The following HECTD3 variants were observed in gnomAD, a reference collection of about 807,000 sequenced individuals.
HECTD3 encodes the protein E3 ubiquitin-protein ligase HECTD3.
A neutral mutation model predicts 109.3 loss-of-function variants in HECTD3; 72 were observed. The observed-to-expected ratio is 0.66, with a 90% CI of 0.54 to 0.80. HECTD3 has a LOEUF of 0.80. HECTD3 is among the 30% of genes least tolerant of loss of function. The pLI, the probability that HECTD3 is intolerant of heterozygous loss-of-function variation, is 0.00. For missense variants in HECTD3, 1,041 were observed against 1,165.2 expected, an observed-to-expected ratio of 0.89 and a Z score of 1.55; for synonymous variants, 481 against 471.8, an observed-to-expected ratio of 1.02 and a Z score of -0.25.
Position 45,010,596 on chromosome 1 carries a change from G to A in HECTD3, c.480C>T (p.His160=), listed in dbSNP as rs772561258. Residue 160 remains histidine (H), a synonymous_variant, in exon 2 of 21, where the codon CAC becomes CAT. Coordinates refer to ENST00000372172, the MANE Select transcript of HECTD3 (RefSeq NM_024602.6). ...ARLVPIDTPN[H]LQRQQQLFGV... ...CAAAGAGCTGCTGCTGCCGCTGGAG[G>A]TGGTTGGGAGTGTCGATGGGTACCA... 25 of 1,613,350 alleles carry A rather than the reference G, an allele frequency of 1.5e-5. No homozygotes were observed. The highest frequency in any genetic ancestry group is 1.9e-5 in the Non-Finnish European group (23 of 1,179,974).
intron 9 of HECTD3, 74 bp from the exon 10 acceptor site, chr1:45,007,669 C>T (rs142761482): frequency 1.9e-5 from 23 of 1,240,874 alleles, no homozygotes; most frequent in African/African-American, 8.8e-5. Flanking sequence ...ACTTTCCCCT[C>T]TGCCTGTATC....
rs575428233 is a variant in HECTD3 at position 45,003,495 on chromosome 1, C to G, written c.2583G>C (p.Glu861Asp). Residue 861 changes from glutamate to aspartate, a missense_variant, in exon 21 of 21, where the codon GAG becomes GAC. Physicochemically the swap from Glu to Asp is conservative, Grantham distance 45 (BLOSUM62 2). Coordinates refer to ENST00000372172, the MANE Select transcript of HECTD3 (RefSeq NM_024602.6). This position sits in a 1 kb window ranked among gnomAD's most constrained non-coding sequence, Gnocchi z 4.7. ...GTCCCACAGCCGGCGGCACGCCTCA[C>G]TCCTCCCAAGGGCTCATGTCAGTGT... ...AIDTDMSPWEE is the reference protein window; with the variant it reads ...AIDTDMSPWED 2 of 1,614,102 alleles carry G rather than the reference C, an allele frequency of 1.2e-6. No individual in the cohort carries two copies. The highest frequency in any genetic ancestry group is 2.7e-5 in the African/African-American group (2 of 75,062).
At position 45,006,913 on chromosome 1, in the gene HECTD3, G is replaced by C; in HGVS notation, c.1621+38C>G. On this transcript the variant is annotated intron_variant, in intron 12 of 20. Coordinates refer to ENST00000372172, the MANE Select transcript of HECTD3 (RefSeq NM_024602.6). The surrounding 1 kb of genome is among the most constrained non-coding windows in gnomAD (Gnocchi z 4.7). The stretch of plus-strand genomic sequence containing the variant: ...AAGCCTCTACCACTTTGATAGGGCA[G>C]CAAGCAGGACCCTTGAGATCCTCCC... 6.2e-7 allele frequency: 1 copy of C among 1,606,754 alleles called. No individual in the cohort carries two copies. Among genetic ancestry groups the C allele is most frequent in the Admixed American group, 1.7e-5 (1 of 59,982 alleles).
At position 45,009,560 on chromosome 1, in the gene HECTD3, CTACT is replaced by C. The variant is rs1186396091; in HGVS notation, c.875+4_875+7del. ...CCACCCACCCTGTCCTGCCCAGAGCCTACTTACTTGACAATGGTGCCCTTCTTCA... is the reference window on the plus strand; with the variant it reads ...CCACCCACCCTGTCCTGCCCAGAGCCTACTTGACAATGGTGCCCTTCTTCA... On this transcript the variant is annotated splice_donor_5th_base_variant and intron_variant, in intron 5 of 20. Transcript: ENST00000372172. The C allele has an allele frequency of 6.2e-7, 1 of 1,611,854 alleles. No homozygotes were observed. The highest frequency in any genetic ancestry group is 1.7e-5 in the Admixed American group (1 of 59,980).
At position 45,011,069 on chromosome 1, in the gene HECTD3, C is replaced by G; in HGVS notation, c.189G>C (p.Leu63=). The change falls in exon 1 of 21, where the codon CTG becomes CTC. Residue 63 remains leucine, a synonymous_variant. Coordinates refer to ENST00000372172, the MANE Select transcript of HECTD3 (RefSeq NM_024602.6). ...KDPAGPSRVL[L]PVWEAEGLGL... ...CCAGGCCCTCTGCCTCCCACACCGG[C>G]AGAAGCACGCGCGACGGTCCCGCTG... 6.9e-7 allele frequency: 1 copy of G among 1,454,398 alleles called. No homozygotes were observed. 90.1% of individuals were successfully genotyped at this position (1,454,398 alleles called of 1,614,324 possible). A position where few individuals can be genotyped will look rare whatever the true frequency, so the allele number is the denominator to read the frequency against.
rs1412306821 is a variant in HECTD3 at position 45,006,164 on chromosome 1, T to C, written c.1726-48A>G. ...AGTGTGGCATGAGATACACCCTATTTTCCTGGCCCAAAGACTTCCCTGAAC... is the reference window on the plus strand; with the variant it reads ...AGTGTGGCATGAGATACACCCTATTCTCCTGGCCCAAAGACTTCCCTGAAC... On this transcript the variant is annotated intron_variant, in intron 13 of 20. Transcript: ENST00000372172. The surrounding 1 kb of genome is among the most constrained non-coding windows in gnomAD (Gnocchi z 4.7). The C allele has an allele frequency of 8.2e-6, 13 of 1,591,068 alleles. No homozygotes were observed.
chr1:45,007,142 GTGTGTGTGTGTGTGTT>G (rs1260972451), intron 11 of HECTD3, 61 bp downstream of exon 11: 138 of 1,430,848 alleles, frequency 9.6e-5, no homozygotes, highest in Admixed American at 3.1e-4. Context: ...GTGTGTGTGT[GTGTGTGTGTGTGTGTT>G]TGTGTGTGTT....
chr1:45,009,735 G>A lies in HECTD3; in HGVS notation c.760-52C>T, dbSNP rs376031792. Reference sequence around the variant, plus strand: ...AGCAGTTACCCTCCCTCCCTGCACTGGGCTTGTGCTCTGGGCCAGGAGCAC... The same window carrying A: ...AGCAGTTACCCTCCCTCCCTGCACTAGGCTTGTGCTCTGGGCCAGGAGCAC... On this transcript the variant is annotated intron_variant, in intron 4 of 20. Transcript: ENST00000372172. The A allele has an allele frequency of 5.0e-6, 7 of 1,405,344 alleles. No homozygotes were observed. The East Asian group carries it at 1.2e-4, about 23-fold the overall frequency. The allele number at this position is 1,405,344 out of a possible 1,614,324, so 87.1% of individuals were successfully genotyped here. A position where few individuals can be genotyped will look rare whatever the true frequency, so the allele number is the denominator to read the frequency against.
At position 45,010,892 on chromosome 1, in the gene HECTD3, T is replaced by C. The variant is rs1461519657; in HGVS notation, c.366A>G (p.Thr122=). 2.0e-6 allele frequency: 3 copies of C among 1,524,028 alleles called. No homozygotes were observed. Among genetic ancestry groups the C allele is most frequent in the Non-Finnish European group, 2.6e-6 (3 of 1,147,658 alleles). The allele number at this position is 1,524,028 out of a possible 1,614,324, so 94.4% of individuals were successfully genotyped here. A position where few individuals can be genotyped will look rare whatever the true frequency, so the allele number is the denominator to read the frequency against. The change falls in exon 1 of 21, where the codon ACA becomes ACG. Residue 122 remains threonine, a synonymous_variant. Transcript: ENST00000372172. The part of the protein sequence containing the change: ...CNGHGLWVKL[T]KEQLAEHLGD... ...TCCTGGGCAGGGAAGAGCGCACCTT[T>C]GTCAGCTTCACCCAGAGCCCGTGGC...
intron 17 of HECTD3, 30 bp downstream of exon 17, chr1:45,004,218 C>T: frequency 6.2e-7 from 1 of 1,613,408 alleles, no homozygotes; most frequent in Non-Finnish European, 8.5e-7. Flanking sequence ...TGCTGTGCTG[C>T]CCTGCCCTGC....
In HECTD3 at chr1:45,003,172, T is replaced by G; in HGVS notation, c.*320A>C. On this transcript the variant is annotated 3_prime_UTR_variant, in exon 21 of 21. Coordinates refer to ENST00000372172, the MANE Select transcript of HECTD3 (RefSeq NM_024602.6). The surrounding 1 kb of genome is among the most constrained non-coding windows in gnomAD (Gnocchi z 4.7). Reference sequence around the variant, plus strand: ...GAGCTGAAAATGGAGGCAAAGTCCATGGGTTGGGGACCTAGATGGCCCCCT... The same window carrying G: ...GAGCTGAAAATGGAGGCAAAGTCCAGGGGTTGGGGACCTAGATGGCCCCCT... 9.2e-6 allele frequency: 3 copies of G among 324,874 alleles called. No individual in the cohort carries two copies. The highest frequency in any genetic ancestry group is 1.7e-5 in the Non-Finnish European group (3 of 171,634). 20.1% of individuals were successfully genotyped at this position (324,874 alleles called of 1,614,324 possible). A position where few individuals can be genotyped will look rare whatever the true frequency, so the allele number is the denominator to read the frequency against.
rs1644761849 is a variant in HECTD3, at chr1:45,009,183, G to A, written c.1033C>T (p.His345Tyr). ...DVCVLEDMTV[H>Y]LPIIEIRIVE... is the part of the protein sequence containing the mutation. Reference sequence around the variant, plus strand: ...ATGCGGATCTCGATGATCGGGAGGTGGACGGTCATGTCCTCCAGGACACAG... The same window carrying A: ...ATGCGGATCTCGATGATCGGGAGGTAGACGGTCATGTCCTCCAGGACACAG... The change falls in exon 7 of 21, where the codon CAC becomes TAC. Residue 345 changes from histidine to tyrosine, a missense_variant. Physicochemically the swap from His to Tyr is moderately conservative, Grantham distance 83 (BLOSUM62 2). Around this residue, in one of 2 missense-constraint regions of HECTD3, gnomAD observed 569 missense variants for 715.3 expected, o/e 0.80. Transcript: ENST00000372172. 2.5e-6 allele frequency: 4 copies of A among 1,613,936 alleles called. No individual in the cohort carries two copies. The highest frequency in any genetic ancestry group is 3.4e-6 in the Non-Finnish European group (4 of 1,179,966).
In HECTD3 at chr1:45,011,231, C is replaced by T; in HGVS notation, c.27G>A (p.Val9=). Residue 9 remains valine (V), a synonymous_variant, in exon 1 of 21, where the codon GTG becomes GTA. Coordinates refer to ENST00000372172, the MANE Select transcript of HECTD3 (RefSeq NM_024602.6). The part of the protein sequence containing the change: MAGPGPGA[V]LESPRQLLGR... ...CCAGCAGCTGCCGGGGGGACTCCAG[C>T]ACCGCGCCCGGGCCAGGACCCGCCA... The T allele has an allele frequency of 7.2e-7, 1 of 1,386,520 alleles. No homozygotes were observed. The highest frequency in any genetic ancestry group is 1.6e-5 in the South Asian group (1 of 61,552). 85.9% of individuals were successfully genotyped at this position (1,386,520 alleles called of 1,614,324 possible).
rs1644785255 is a variant in HECTD3 at position 45,010,899 on chromosome 1, T to C, written c.359A>G (p.Lys120Arg). ...ELCNGHGLWV[K>R]LTKEQLAEHL... The stretch of plus-strand genomic sequence containing the variant: ...CAGGGAAGAGCGCACCTTTGTCAGC[T>C]TCACCCAGAGCCCGTGGCCATTGCA... The change falls in exon 1 of 21, where the codon AAG (lysine) becomes AGG (arginine). Residue 120 changes from lysine (K) to arginine (R), a missense_variant. By Grantham distance (26) the Lys-to-Arg change is conservative. Around this residue, in one of 2 missense-constraint regions of HECTD3, gnomAD observed 472 missense variants for 449.9 expected, o/e 1.05. Transcript: ENST00000372172. 7 of 1,531,092 alleles carry C rather than the reference T, an allele frequency of 4.6e-6. No individual in the cohort carries two copies. Among genetic ancestry groups the C allele is most frequent in the South Asian group, 1.2e-5 (1 of 80,390 alleles). 94.8% of individuals were successfully genotyped at this position (1,531,092 alleles called of 1,614,324 possible). A position where few individuals can be genotyped will look rare whatever the true frequency, so the allele number is the denominator to read the frequency against.
At position 45,003,380 on chromosome 1, in the gene HECTD3, T is replaced by C. The variant is rs1055013359; in HGVS notation, c.*112A>G. ...CAACTGCACACAGGAGCAGGGCACA[T>C]GGGGTTTTGCTGAGCACGTCAGCCA... is the stretch of plus-strand genomic sequence containing the variant. On this transcript the variant is annotated 3_prime_UTR_variant, in exon 21 of 21. Coordinates refer to ENST00000372172, the MANE Select transcript of HECTD3 (RefSeq NM_024602.6). The surrounding 1 kb of genome is among the most constrained non-coding windows in gnomAD (Gnocchi z 4.7). 8 of 892,406 alleles carry C rather than the reference T, an allele frequency of 9.0e-6. No individual in the cohort carries two copies. In the African/African-American group the frequency reaches 1.2e-4, roughly 13 times the overall value. 55.3% of individuals were successfully genotyped at this position (892,406 alleles called of 1,614,324 possible). A position where few individuals can be genotyped will look rare whatever the true frequency, so the allele number is the denominator to read the frequency against.
chr1:45,008,176 G>A (rs1644752618), intron 9 of HECTD3, 64 bp downstream of exon 9: 4 of 1,307,550 alleles, frequency 3.1e-6, no homozygotes, highest in South Asian at 2.4e-5. Context: ...CTCTGCTAAG[G>A]AATGAACAAC....
chr1:45,009,228 TGAG>T lies in HECTD3; in HGVS notation c.990-5_990-3del. On this transcript the variant is annotated splice_polypyrimidine_tract_variant and splice_region_variant and intron_variant, in intron 6 of 20. Coordinates refer to ENST00000372172, the MANE Select transcript of HECTD3 (RefSeq NM_024602.6). ...ACACAGACATCCCCGATGAGGGTCC[TGAG>T]GAGATGAGTGTGAAGCACTTCAGAT... is the stretch of plus-strand genomic sequence containing the variant. 6.2e-7 allele frequency: 1 copy of T among 1,611,970 alleles called. No homozygotes were observed. The highest frequency in any genetic ancestry group is 1.3e-5 in the African/African-American group (1 of 74,998).
In HECTD3 at chr1:45,006,354, GGA is replaced by G; in HGVS notation, c.1726-240_1726-239del. ...AGAGTCTCACTGTGTCACCCAGGCTGGAGTGCAGTGGCGTGATCTCGGCTCAC... is the reference window on the plus strand; with the variant it reads ...AGAGTCTCACTGTGTCACCCAGGCTGGTGCAGTGGCGTGATCTCGGCTCAC... On this transcript the variant is annotated intron_variant, in intron 13 of 20. Transcript: ENST00000372172. The surrounding 1 kb of genome is among the most constrained non-coding windows in gnomAD (Gnocchi z 4.7). 1 of 497,442 alleles carries G rather than the reference GGA, an allele frequency of 2.0e-6. No homozygotes were observed. Among genetic ancestry groups the G allele is most frequent in the Non-Finnish European group, 3.5e-6 (1 of 283,908 alleles). The allele number at this position is 497,442 out of a possible 1,614,324, so 30.8% of individuals were successfully genotyped here.
At position 45,002,615 on chromosome 1, in the gene HECTD3, C is replaced by G. The variant is rs780466778; in HGVS notation, c.*877G>C. The G allele has an allele frequency of 1.3e-5, 2 of 152,230 alleles. No homozygotes were observed. The highest frequency in any genetic ancestry group is 2.9e-5 in the Non-Finnish European group (2 of 68,098). 9.4% of individuals were successfully genotyped at this position (152,230 alleles called of 1,614,324 possible). ...CTTTTCATGGAGTGTCACGGAGGCC[C>G]TGAGGGAGGAACGGTAAACTGGGGC... On this transcript the variant is annotated 3_prime_UTR_variant, in exon 21 of 21. Transcript: ENST00000372172.
Sources: gnomAD v4.1 joint callset for allele counts on GRCh38, gnomAD v4.1.1 for gene constraint, gnomAD v4.1.1 regional missense constraint, Gnocchi (gnomAD v3.1) non-coding constraint, MANE v1.5 for transcripts, NCBI Gene and HGNC (gene_info 2026-07-23, HGNC 2026-07-21) for gene names.